The following RTN4 variants were observed in gnomAD, a reference collection of about 807,000 sequenced individuals.
RTN4 encodes the protein reticulon-4.
Under a neutral mutation model 90.4 loss-of-function variants are expected in RTN4, and 32 were observed. That is an observed-to-expected ratio of 0.35 (90% CI 0.27 to 0.48). The LOEUF (loss-of-function observed/expected upper bound fraction) is 0.48, where lower values mean the gene tolerates loss of function less well. Ranked by LOEUF, RTN4 falls within the 20% of genes least tolerant of loss-of-function variation. The pLI, the probability that RTN4 is intolerant of heterozygous loss-of-function variation, is 0.99. For synonymous variants in RTN4, 629 were observed against 552.5 expected (o/e 1.14, Z -1.94); for missense variants, 1,706 against 1,430.2 (o/e 1.19, Z -3.11).
At chr2:55,045,411 T>C (rs142560175) in intron 1 of RTN4, among the ~76,000 whole-genome samples, 168 of 152,356 alleles carry the variant, frequency 1.1e-3, no homozygotes, top group African/African-American at 3.9e-3. Context: ...TATTCCATTT[T>C]CACTGAATGA....
chr2:55,039,657 G>A (rs1343463545), intron 1 of RTN4, among the ~76,000 whole-genome samples: 1 of 152,154 alleles, frequency 6.6e-6, no homozygotes, highest in Non-Finnish European at 1.5e-5. Flanking sequence ...TTGGGTGCCT[G>A]TAATCACAGC....
At chr2:55,048,039 A>G (rs1395461897) in intron 1 of RTN4, among the ~76,000 whole-genome samples, 3 of 152,232 alleles carry the variant, frequency 2.0e-5, no homozygotes, top group Non-Finnish European at 4.4e-5. Flanking sequence ...CTACATACCT[A>G]TATGTAGGCT....
chr2:55,027,169 T>A lies in RTN4; in HGVS notation c.930A>T (p.Ala310=). 1 of 1,613,746 alleles carries A rather than the reference T, an allele frequency of 6.2e-7. No homozygotes were observed. The highest frequency in any genetic ancestry group is 1.1e-5 in the South Asian group (1 of 91,076). Residue 310 remains alanine, a synonymous_variant, in exon 3 of 9, where the codon GCA becomes GCT. Transcript: ENST00000337526. ...MGSSFSVSPK[A]ESAVIVANPR... ...GATTTGCTACTATTACGGCAGATTCTGCTTTTGGAGAGACACTGAACGATG... is the reference window on the plus strand; with the variant it reads ...GATTTGCTACTATTACGGCAGATTCAGCTTTTGGAGAGACACTGAACGATG...
intron 2 of RTN4, among the ~76,000 whole-genome samples, chr2:55,066,187 G>GTT (rs772650518): frequency 3.6e-3 from 222 of 61,386 alleles, no homozygotes; most frequent in Admixed American, 0.014. Context: ...GTGTGTGTGT[G>GTT]TGTGTTTGTG....
At chr2:54,980,452 T>C (rs746003629) in intron 5 of RTN4, among the ~76,000 whole-genome samples, 12 of 152,228 alleles carry the variant, frequency 7.9e-5, no homozygotes, top group Non-Finnish European at 1.6e-4. Flanking sequence ...CTCAGAAAAC[T>C]AGAGCATAAT....
intron 1 of RTN4, among the ~76,000 whole-genome samples, chr2:55,039,123 A>C (rs1363311101): frequency 6.6e-6 from 1 of 152,246 alleles, no homozygotes; most frequent in Non-Finnish European, 1.5e-5. Flanking sequence ...AAAGAATTGA[A>C]GGACTGACTG....
At chr2:54,996,478 C>G (rs1050570916) in intron 3 of RTN4, among the ~76,000 whole-genome samples, 2 of 152,114 alleles carry the variant, frequency 1.3e-5, no homozygotes, top group African/African-American at 4.8e-5. Context: ...AGTAGTTACA[C>G]AAGGACAAAC....
At chr2:55,095,776 C>T (rs1669019984) in intron 1 of RTN4, among the ~76,000 whole-genome samples, 1 of 152,148 alleles carries the variant, frequency 6.6e-6, no homozygotes, top group South Asian at 2.1e-4. Context: ...TTCAAATGCC[C>T]TTTTCCTGTT....
chr2:55,033,161 A>C lies in RTN4; in HGVS notation c.557-4941T>G, dbSNP rs548873362. Reference sequence around the variant, plus strand: ...ATGTACTCCAAGCAGAATAAACACAACACCACAAAAAGGCACACCATAAGG... The same window carrying C: ...ATGTACTCCAAGCAGAATAAACACACCACCACAAAAAGGCACACCATAAGG... On this transcript the variant is annotated intron_variant, in intron 1 of 8. Coordinates refer to ENST00000337526, the MANE Select transcript of RTN4 (RefSeq NM_020532.5). Among the ~76,000 whole-genome samples, 53 of 152,214 alleles carry C rather than the reference A, an allele frequency of 3.5e-4. 1 individual carries two copies. Among genetic ancestry groups the C allele is most frequent in the African/African-American group, 1.0e-3 (43 of 41,520 alleles).
upstream of RTN4, among the ~76,000 whole-genome samples, chr2:55,115,602 C>T (rs1440432595): frequency 6.6e-6 from 1 of 152,168 alleles, no homozygotes; most frequent in Non-Finnish European, 1.5e-5. Flanking sequence ...TGGGGTCCAC[C>T]CCCGTCTTAA....
intron 1 of RTN4, among the ~76,000 whole-genome samples, chr2:55,084,229 C>T (rs1043286025): frequency 6.6e-6 from 1 of 151,988 alleles, no homozygotes; most frequent in Non-Finnish European, 1.5e-5. Flanking sequence ...GCCATAAAAG[C>T]TCACAACCCC....
At chr2:55,102,656 C>T (rs1203923642) in intron 1 of RTN4, among the ~76,000 whole-genome samples, 1 of 151,992 alleles carries the variant, frequency 6.6e-6, no homozygotes, top group Non-Finnish European at 1.5e-5. Flanking sequence ...GTGCATGGTG[C>T]TTGGGATCTG....
chr2:54,984,956 A>T (rs1678432729), intron 4 of RTN4, among the ~76,000 whole-genome samples: 1 of 152,168 alleles, frequency 6.6e-6, no homozygotes, highest in Admixed American at 6.5e-5. Context: ...AAAGTTTAAA[A>T]AATGAATAAA....
intron 1 of RTN4, among the ~76,000 whole-genome samples, chr2:55,090,344 T>G (rs953766012): frequency 3.3e-5 from 5 of 152,318 alleles, no homozygotes; most frequent in African/African-American, 1.2e-4. Context: ...TTCACACTAT[T>G]TCCAAACACA....
chr2:55,115,965 G>C (rs1406780981), upstream of RTN4, among the ~76,000 whole-genome samples: 1 of 152,152 alleles, frequency 6.6e-6, no homozygotes, highest in Non-Finnish European at 1.5e-5. Context: ...TAGTAAGCTA[G>C]TGCTTTGTAA....
At chr2:54,987,413 A>G in intron 4 of RTN4, 78 bp downstream of exon 4, 1 of 1,058,908 alleles carries the variant, frequency 9.4e-7, no homozygotes, top group East Asian at 2.4e-5. Context: ...TTGTAACTCT[A>G]TAGACAGTAG....
chr2:55,027,565 T>G, intron 2 of RTN4, 80 bp from the exon 3 acceptor site: 1 of 1,414,034 alleles, frequency 7.1e-7, no homozygotes, highest in Non-Finnish European at 9.6e-7. Flanking sequence ...AGATCCAAAA[T>G]AGTGTTAGTA....
At chr2:55,132,975 G>A in the RTN4 span, among the ~76,000 whole-genome samples, 320 of 151,848 alleles carry the variant, frequency 2.1e-3, 3 homozygotes, top group Non-Finnish European at 2.9e-3. Flanking sequence ...ACTTTGGGAG[G>A]CCGAGGCAGG....
At chr2:54,976,430 G>C (rs1677640010) in intron 5 of RTN4, among the ~76,000 whole-genome samples, 1 of 152,210 alleles carries the variant, frequency 6.6e-6, no homozygotes, top group African/African-American at 2.4e-5. Context: ...ATGTATGTGA[G>C]AGGCTGGGAG....
Sources: gnomAD v4.1 joint callset for allele counts (sites outside exome capture counted in the v4.1 genomes callset) on GRCh38, gnomAD v4.1.1 for gene constraint, MANE v1.5 for transcripts, NCBI Gene and HGNC (gene_info 2026-07-23, HGNC 2026-07-21) for gene names.